ADAM7: variants seen among roughly 807,000 people sequenced by gnomAD.
ADAM7 encodes ADAM metallopeptidase domain 7.
A neutral mutation model predicts 102.9 loss-of-function variants in ADAM7; 97 were observed. The ratio of observed to expected loss-of-function variants is 0.94; its 90% CI spans 0.80 to 1.12. The LOEUF is 1.12. ADAM7 is among the 50% of genes most tolerant of loss of function. The pLI is 0.00. For missense variants in ADAM7, 991 were observed against 908.7 expected (o/e 1.09, Z -1.16); for synonymous variants, 334 against 304.4 (o/e 1.10, Z -1.01).
In ADAM7 at chr8:24,485,366, G is replaced by A; in HGVS notation, c.960+5G>A. ...TATTCCACCAGTATCATTAAGGTGG[G>A]CTGTGTTTTATTTATATTACTTAAT... is the stretch of plus-strand genomic sequence containing the variant. On this transcript the variant is annotated splice_donor_5th_base_variant and intron_variant, in intron 10 of 21. Coordinates refer to ENST00000175238, the MANE Select transcript of ADAM7 (RefSeq NM_003817.4). 1 of 1,609,476 alleles carries A rather than the reference G, an allele frequency of 6.2e-7. No individual in the cohort carries two copies. Among genetic ancestry groups the A allele is most frequent in the African/African-American group, 1.3e-5 (1 of 74,722 alleles).
In ADAM7 at chr8:24,493,064, C is replaced by A. The variant is rs756904193; in HGVS notation, c.1677C>A (p.Ile559=). ...TCAGAGATGTCAGATGTGGAAAGAT[C>A]TACTGCACTGGAGGGGAGCTTTCCT... is the stretch of plus-strand genomic sequence containing the variant. ...CEEKDVRCGK[I]YCTGGELSSL... Residue 559 remains isoleucine, a synonymous_variant, in exon 16 of 22, where the codon ATC becomes ATA. Coordinates refer to ENST00000175238, the MANE Select transcript of ADAM7 (RefSeq NM_003817.4). 1 of 1,597,966 alleles carries A rather than the reference C, an allele frequency of 6.3e-7. No homozygotes were observed. Among genetic ancestry groups the A allele is most frequent in the Non-Finnish European group, 8.5e-7 (1 of 1,174,592 alleles).
At chr8:24,443,938 T>C (rs1272197505) in intron 2 of ADAM7, among the ~76,000 whole-genome samples, 1 of 100,582 alleles carries the variant, frequency 9.9e-6, no homozygotes, top group Non-Finnish European at 2.0e-5. Context: ...TCTCAAAAAA[T>C]AAAAATAAAA....
Position 24,482,239 on chromosome 8 carries a change from T to A in ADAM7, c.803T>A (p.Leu268Ter), listed in dbSNP as rs1470162281. 1 of 1,611,304 alleles carries A rather than the reference T, an allele frequency of 6.2e-7. No homozygotes were observed. Among genetic ancestry groups the A allele is most frequent in the African/African-American group, 1.3e-5 (1 of 74,854 alleles). ...CTATATTCAAATATAGAAACTACCTTATTGCGTTTTTCATTTTGGCAAGAA... is the reference window on the plus strand; with the variant it reads ...CTATATTCAAATATAGAAACTACCTAATTGCGTTTTTCATTTTGGCAAGAA... ...IELYSNIETT[L>*]LRFSFWQEKI... Residue 268 changes from leucine (L) to a stop codon, truncating the protein, a stop_gained, in exon 9 of 22, where the codon TTA (leucine) becomes TAA (stop). Coordinates refer to ENST00000175238, the MANE Select transcript of ADAM7 (RefSeq NM_003817.4). LOFTEE classifies it high-confidence loss of function.
intron 10 of ADAM7, among the ~76,000 whole-genome samples, chr8:24,486,328 A>T (rs562874240): frequency 1.8e-4 from 28 of 152,314 alleles, no homozygotes; most frequent in Non-Finnish European, 8.8e-5. Context: ...AAGTTAACCA[A>T]TTCTTGCATG....
chr8:24,450,043 G>A (rs558741957), intron 3 of ADAM7, among the ~76,000 whole-genome samples: 9 of 152,256 alleles, frequency 5.9e-5, no homozygotes, highest in African/African-American at 2.2e-4. Context: ...TGCTGTTTTG[G>A]TTACTGTAGC....
At chr8:24,482,480 G>C (rs895210898) in intron 9 of ADAM7, among the ~76,000 whole-genome samples, 169 bp downstream of exon 9, 1 of 152,140 alleles carries the variant, frequency 6.6e-6, no homozygotes. Context: ...AGGAACCGTA[G>C]CATATATCTT....
intron 8 of ADAM7, among the ~76,000 whole-genome samples, chr8:24,477,666 A>G (rs1819813890): frequency 6.6e-6 from 1 of 151,826 alleles, no homozygotes; most frequent in Non-Finnish European, 1.5e-5. Context: ...TTTAAAAATT[A>G]TTGATCATTC....
At chr8:24,463,046 T>A (rs1819300967) in intron 3 of ADAM7, among the ~76,000 whole-genome samples, 1 of 152,170 alleles carries the variant, frequency 6.6e-6, no homozygotes, top group East Asian at 1.9e-4. Flanking sequence ...ATATGGCCAA[T>A]ATAGCCTCGA....
intron 8 of ADAM7, among the ~76,000 whole-genome samples, chr8:24,479,417 A>C (rs1290043111): frequency 6.6e-6 from 1 of 151,876 alleles, no homozygotes; most frequent in Admixed American, 6.6e-5. Context: ...AATACATTTT[A>C]ATTTGGGTTC....
rs181545207 is a variant in ADAM7 at position 24,471,933 on chromosome 8, T to C, written c.633+3113T>C. On this transcript the variant is annotated intron_variant, in intron 7 of 21. Coordinates refer to ENST00000175238, the MANE Select transcript of ADAM7 (RefSeq NM_003817.4). Reference sequence around the variant, plus strand: ...TTTATAAGAAATATACCTAAACTTCTCAAGAGACCTAAAAAATCTCAAAAC... The same window carrying C: ...TTTATAAGAAATATACCTAAACTTCCCAAGAGACCTAAAAAATCTCAAAAC... Among the ~76,000 whole-genome samples the C allele has an allele frequency of 3.8e-4, 58 of 152,022 alleles. No homozygotes were observed. The East Asian group carries it at 0.011, about 28-fold the overall frequency.
intron 11 of ADAM7, 87 bp from the exon 12 acceptor site, chr8:24,489,072 T>C: frequency 8.0e-7 from 1 of 1,255,574 alleles, no homozygotes; most frequent in Non-Finnish European, 1.1e-6. Context: ...ATTTGTTCTT[T>C]TCAAATGCTT....
chr8:24,478,277 C>T (rs951016063), intron 8 of ADAM7, among the ~76,000 whole-genome samples: 6 of 152,062 alleles, frequency 3.9e-5, no homozygotes, highest in Non-Finnish European at 2.9e-5. Context: ...TTACTGGGGG[C>T]CCTGACAATT....
At position 24,466,801 on chromosome 8, in the gene ADAM7, G is replaced by C. The variant is rs1355791206; in HGVS notation, c.392G>C (p.Gly131Ala). The change falls in exon 6 of 22, where the codon GGA (glycine) becomes GCA (alanine). Residue 131 changes from glycine (G) to alanine (A), a missense_variant and splice_region_variant. Gly to Ala is a moderately conservative substitution (Grantham distance 60, BLOSUM62 0). Coordinates refer to ENST00000175238, the MANE Select transcript of ADAM7 (RefSeq NM_003817.4). ...ASISTCNGLR[G>A]FFRINDQRYL... ...AATTGTGTTCCCAATTTCTACAGGG[G>C]ATTCTTCAGAATAAACGACCAAAGA... The C allele has an allele frequency of 1.9e-6, 3 of 1,611,478 alleles. No homozygotes were observed. Among genetic ancestry groups the C allele is most frequent in the Non-Finnish European group, 2.5e-6 (3 of 1,179,270 alleles).
chr8:24,481,231 G>C (rs889288083), intron 8 of ADAM7, among the ~76,000 whole-genome samples: 1 of 152,104 alleles, frequency 6.6e-6, no homozygotes, highest in Non-Finnish European at 1.5e-5. Context: ...GACTTCTTTG[G>C]CCTCTACTGA....
rs1416876663 is a variant in ADAM7, at chr8:24,466,848, T to C, written c.439T>C (p.Tyr147His). ...DQRYLIEPVK[Y>H]SDEGEHLVFK... is the part of the protein sequence containing the mutation. ...AAGATACCTCATTGAACCAGTGAAA[T>C]ACTCAGATGAGGGAGAACATTTGGT... is the stretch of plus-strand genomic sequence containing the variant. Residue 147 changes from tyrosine to histidine, a missense_variant, in exon 6 of 22, where the codon TAC becomes CAC. Transcript: ENST00000175238. 1 of 1,614,024 alleles carries C rather than the reference T, an allele frequency of 6.2e-7. No homozygotes were observed. The highest frequency in any genetic ancestry group is 2.2e-5 in the East Asian group (1 of 44,860).
At chr8:24,461,059 G>A (rs1819224881) in intron 3 of ADAM7, among the ~76,000 whole-genome samples, 1 of 151,816 alleles carries the variant, frequency 6.6e-6, no homozygotes, top group Non-Finnish European at 1.5e-5. Flanking sequence ...TTCTGGGTTC[G>A]CCAATTTTCT....
Position 24,508,847 on chromosome 8 carries a change from TA to T in ADAM7, c.*302del. On this transcript the variant is annotated 3_prime_UTR_variant, in exon 22 of 22. Transcript: ENST00000175238. ...GCTGTAGTATTTTCCTACAAAATGT[TA>T]CTCTGCTTTCTTTTAAGAATCCAAA... 1 of 1,203,124 alleles carries T rather than the reference TA, an allele frequency of 8.3e-7. No individual in the cohort carries two copies. Among genetic ancestry groups the T allele is most frequent in the Non-Finnish European group, 1.0e-6 (1 of 969,216 alleles). The allele number at this position is 1,203,124 out of a possible 1,614,324, so 74.5% of individuals were successfully genotyped here.
chr8:24,506,027 CT>C, intron 20 of ADAM7: 1 of 1,194,516 alleles, frequency 8.4e-7, no homozygotes, highest in Non-Finnish European at 1.2e-6. Flanking sequence ...AATATTATGT[CT>C]GGGTCTTTCA....
At chr8:24,450,888 T>C (rs1183264202) in intron 3 of ADAM7, among the ~76,000 whole-genome samples, 2 of 152,226 alleles carry the variant, frequency 1.3e-5, no homozygotes, top group Admixed American at 1.3e-4. Context: ...AGAGGCCTTT[T>C]CTGCATCTAT....
Sources: allele counts gnomAD v4.1 joint callset (sites outside exome capture counted in the v4.1 genomes callset), GRCh38; gene constraint gnomAD v4.1.1; transcripts MANE v1.5; gene names NCBI Gene and HGNC (gene_info 2026-07-23, HGNC 2026-07-21).